The following GTPBP2 variants were observed in gnomAD, a reference collection of about 807,000 sequenced individuals.
GTPBP2 encodes GTP-binding protein 2.
GTPBP2 carries 32 observed loss-of-function variants against 63.0 expected under a neutral mutation model. The observed-to-expected ratio is 0.51, with a 90% confidence interval of 0.38 to 0.68. The LOEUF is 0.68. Among genes scored for constraint, GTPBP2 ranks in the 30% least tolerant of loss-of-function variants. The probability of loss-of-function intolerance (pLI) is 0.00; values close to 1 mark genes in which losing one functional copy is unlikely to be tolerated. For synonymous variants in GTPBP2, 310 were observed against 322.6 expected, an observed-to-expected ratio of 0.96 and a Z score of 0.42; for missense variants, 492 against 796.9, an observed-to-expected ratio of 0.62 and a Z score of 4.61.
At position 43,629,079 on chromosome 6, in the gene GTPBP2, C is replaced by G. The variant is rs369516793; in HGVS notation, c.84G>C (p.Arg28Ser). 1.3e-6 allele frequency: 2 copies of G among 1,599,282 alleles called. No homozygotes were observed. The highest frequency in any genetic ancestry group is 1.1e-5 in the South Asian group (1 of 89,360). The change falls in exon 1 of 12, where the codon AGG (arginine) becomes AGC (serine). Residue 28 changes from arginine to serine, a missense_variant. Coordinates refer to ENST00000307126, the MANE Select transcript of GTPBP2 (RefSeq NM_019096.5). The part of the protein sequence containing the change: ...GPAVGGTLKA[R>S]GAGSSSGCGG... Reference sequence around the variant, plus strand: ...CGCAGCCGCTGCTGCTGCCGGCCCCCCTAGCCTTGAGGGTTCCGCCCACGG... The same window carrying G: ...CGCAGCCGCTGCTGCTGCCGGCCCCGCTAGCCTTGAGGGTTCCGCCCACGG...
At chr6:43,629,725 C>A, upstream of GTPBP2, 1 of 1,551,302 alleles carries the variant, frequency 6.4e-7, no homozygotes, top group Non-Finnish European at 8.7e-7. Flanking sequence ...CTGCTGGCTC[C>A]GCCTCTGCCT....
At chr6:43,629,689 G>C, upstream of GTPBP2, 1 of 1,536,020 alleles carries the variant, frequency 6.5e-7, no homozygotes, top group South Asian at 1.2e-5. Context: ...GAGAGCTGCA[G>C]AACTGAGGCT....
At chr6:43,621,883 C>T (rs753482760) in intron 11 of GTPBP2, 93 bp from the exon 12 acceptor site, 19 of 1,603,092 alleles carry the variant, frequency 1.2e-5, no homozygotes, top group African/African-American at 5.4e-5. Flanking sequence ...CCTATCAGGC[C>T]GCTACCCACC....
In GTPBP2 at chr6:43,621,636, G is replaced by A; in HGVS notation, c.1787C>T (p.Ala596Val). The change falls in exon 12 of 12, where the codon GCC becomes GTC. Residue 596 changes from alanine (A) to valine (V), a missense_variant. Around this residue, in one of 2 missense-constraint regions of GTPBP2, gnomAD observed 400 missense variants for 710.8 expected, o/e 0.56. Coordinates refer to ENST00000307126, the MANE Select transcript of GTPBP2 (RefSeq NM_019096.5). ...GGTTCAGAAGCCCATGTTGGCCTGGGCTTCTCCTGCTGTAATGGCTTGTAC... is the reference window on the plus strand; with the variant it reads ...GGTTCAGAAGCCCATGTTGGCCTGGACTTCTCCTGCTGTAATGGCTTGTAC... ...TDVQAITAGE[A>V]QANMGF The A allele has an allele frequency of 6.2e-7, 1 of 1,614,210 alleles. No homozygotes were observed. The highest frequency in any genetic ancestry group is 1.3e-5 in the African/African-American group (1 of 75,074).
chr6:43,629,851 C>G (rs1242722452), upstream of GTPBP2: 1 of 1,470,208 alleles, frequency 6.8e-7, no homozygotes, highest in African/African-American at 1.4e-5. Context: ...ATTATGCTAC[C>G]TTTACATAGT....
rs538678246 is a variant in GTPBP2 at position 43,624,841 on chromosome 6, G to C, written c.880+47C>G. ...CCAAGATTTGAGGCCCAGGGTAGGA[G>C]AGTCAGCACCCCCCTTCAGCCCTGT... On this transcript the variant is annotated intron_variant, in intron 6 of 11. Coordinates refer to ENST00000307126, the MANE Select transcript of GTPBP2 (RefSeq NM_019096.5). The surrounding 1 kb of genome is among the most constrained non-coding windows in gnomAD (Gnocchi z 5.1). 1 of 1,599,800 alleles carries C rather than the reference G, an allele frequency of 6.3e-7. No individual in the cohort carries two copies. Among genetic ancestry groups the C allele is most frequent in the Non-Finnish European group, 8.6e-7 (1 of 1,167,684 alleles).
At position 43,626,492 on chromosome 6, in the gene GTPBP2, G is replaced by C. The variant is rs1344470695; in HGVS notation, c.214-82C>G. On this transcript the variant is annotated intron_variant, in intron 2 of 11. Coordinates refer to ENST00000307126, the MANE Select transcript of GTPBP2 (RefSeq NM_019096.5). The surrounding 1 kb of genome is among the most constrained non-coding windows in gnomAD (Gnocchi z 4.0). ...ATGGTCCCCACCTGTTCTGCTGCAA[G>C]GACCAGGACTTTCTCTTTCCACTTA... The C allele has an allele frequency of 9.1e-7, 1 of 1,100,426 alleles. No individual in the cohort carries two copies. The highest frequency in any genetic ancestry group is 1.5e-5 in the African/African-American group (1 of 64,586). The allele number at this position is 1,100,426 out of a possible 1,614,324, so 68.2% of individuals were successfully genotyped here. A position where few individuals can be genotyped will look rare whatever the true frequency, so the allele number is the denominator to read the frequency against.
Position 43,622,969 on chromosome 6 carries a change from G to A in GTPBP2, c.1296-165C>T. On this transcript the variant is annotated intron_variant, in intron 9 of 11. Coordinates refer to ENST00000307126, the MANE Select transcript of GTPBP2 (RefSeq NM_019096.5). This position sits in a 1 kb window ranked among gnomAD's most constrained non-coding sequence, Gnocchi z 5.4. ...TAACAGGGCTCACTGCCAGAGTTCAGAATCAGAAGACTAATTTCATAAAAG... is the reference window on the plus strand; with the variant it reads ...TAACAGGGCTCACTGCCAGAGTTCAAAATCAGAAGACTAATTTCATAAAAG... 1 of 587,992 alleles carries A rather than the reference G, an allele frequency of 1.7e-6. No individual in the cohort carries two copies. The highest frequency in any genetic ancestry group is 3.0e-6 in the Non-Finnish European group (1 of 332,236). The allele number at this position is 587,992 out of a possible 1,614,324, so 36.4% of individuals were successfully genotyped here. A position where few individuals can be genotyped will look rare whatever the true frequency, so the allele number is the denominator to read the frequency against.
At chr6:43,629,970 C>T (rs1267734833), upstream of GTPBP2, among the ~76,000 whole-genome samples, 1 of 152,250 alleles carries the variant, frequency 6.6e-6, no homozygotes, top group Non-Finnish European at 1.5e-5. Flanking sequence ...AGCTTCCTCC[C>T]CGAAGGCTGC....
At chr6:43,627,154 G>T in intron 1 of GTPBP2, 1 of 624,760 alleles carries the variant, frequency 1.6e-6, no homozygotes, top group Non-Finnish European at 2.4e-6. Flanking sequence ...GGCCTATAAG[G>T]ACACAAGGAG....
chr6:43,622,031 G>A lies in GTPBP2; in HGVS notation c.1604C>T (p.Thr535Met), dbSNP rs1209116080. The stretch of plus-strand genomic sequence containing the variant: ...GGCATGGATCTTTTCCACCACTGCC[G>A]TCTGACGTACGTTGCCCACGTGTAC... ...VTVHVGNVRQ[T>M]AVVEKIHAKD... Residue 535 changes from threonine (T) to methionine (M), a missense_variant, in exon 11 of 12, where the codon ACG (threonine) becomes ATG (methionine). Physicochemically the swap from Thr to Met is moderately conservative, Grantham distance 81 (BLOSUM62 -1). Coordinates refer to ENST00000307126, the MANE Select transcript of GTPBP2 (RefSeq NM_019096.5). This position sits in a 1 kb window ranked among gnomAD's most constrained non-coding sequence, Gnocchi z 5.4. 4.3e-6 allele frequency: 7 copies of A among 1,614,178 alleles called. No homozygotes were observed. The highest frequency in any genetic ancestry group is 1.1e-5 in the South Asian group (1 of 91,092).
intron 1 of GTPBP2, chr6:43,628,594 G>A: frequency 1.0e-6 from 1 of 970,880 alleles, no homozygotes; most frequent in Non-Finnish European, 1.2e-6. Flanking sequence ...TTCTCCCTGT[G>A]GAACAAGTTT....
chr6:43,622,243 C>T lies in GTPBP2; in HGVS notation c.1468-76G>A. On this transcript the variant is annotated intron_variant, in intron 10 of 11. Transcript: ENST00000307126. This position sits in a 1 kb window ranked among gnomAD's most constrained non-coding sequence, Gnocchi z 5.4. ...TCTCCCTCCCCAGCCACCCCACACC[C>T]TTTATAGCTCCTGAATTTCCTCTTC... 4.1e-6 allele frequency: 5 copies of T among 1,228,852 alleles called. No homozygotes were observed. The highest frequency in any genetic ancestry group is 2.0e-4 in the Middle Eastern group (1 of 4,912). The allele number at this position is 1,228,852 out of a possible 1,614,324, so 76.1% of individuals were successfully genotyped here. A position where few individuals can be genotyped will look rare whatever the true frequency, so the allele number is the denominator to read the frequency against.
rs1769315475 is a variant in GTPBP2, at chr6:43,626,109, A to T, written c.398+117T>A. 2.0e-6 allele frequency: 2 copies of T among 985,972 alleles called. No homozygotes were observed. Among genetic ancestry groups the T allele is most frequent in the African/African-American group, 3.2e-5 (2 of 62,274 alleles). The allele number at this position is 985,972 out of a possible 1,614,324, so 61.1% of individuals were successfully genotyped here. Reference sequence around the variant, plus strand: ...CCAAAACACTAACCCTCCCCACTTCAGCCCTTTGTCAAGAGAAGGAAAGTC... The same window carrying T: ...CCAAAACACTAACCCTCCCCACTTCTGCCCTTTGTCAAGAGAAGGAAAGTC... On this transcript the variant is annotated intron_variant, in intron 3 of 11. Transcript: ENST00000307126. This position sits in a 1 kb window ranked among gnomAD's most constrained non-coding sequence, Gnocchi z 4.0.
At position 43,621,192 on chromosome 6, in the gene GTPBP2, T is replaced by A; in HGVS notation, c.*422A>T. ...GTAGAGATGGGCAACTTACATGGCCTTGAGAAGAGGTATAGAAAAAGGAGT... is the reference window on the plus strand; with the variant it reads ...GTAGAGATGGGCAACTTACATGGCCATGAGAAGAGGTATAGAAAAAGGAGT... On this transcript the variant is annotated 3_prime_UTR_variant, in exon 12 of 12. Coordinates refer to ENST00000307126, the MANE Select transcript of GTPBP2 (RefSeq NM_019096.5). 2.8e-6 allele frequency: 1 copy of A among 353,064 alleles called. No individual in the cohort carries two copies. The highest frequency in any genetic ancestry group is 7.5e-5 in the East Asian group (1 of 13,422). The allele number at this position is 353,064 out of a possible 1,614,324, so 21.9% of individuals were successfully genotyped here. A position where few individuals can be genotyped will look rare whatever the true frequency, so the allele number is the denominator to read the frequency against.
rs1209143707 is a variant in GTPBP2 at position 43,624,718 on chromosome 6, T to C, written c.892A>G (p.Arg298Gly). ...SANTGIAGTT[R>G]EHLGLALALK... Reference sequence around the variant, plus strand: ...GCCAGGGCCAGCCCCAGATGTTCCCTTGTGGTGCCAGCTGCCTCATAAGGA... The same window carrying C: ...GCCAGGGCCAGCCCCAGATGTTCCCCTGTGGTGCCAGCTGCCTCATAAGGA... Residue 298 changes from arginine (R) to glycine (G), a missense_variant, in exon 7 of 12, where the codon AGG becomes GGG. By Grantham distance (125) the Arg-to-Gly change is moderately radical. Around this residue, in one of 2 missense-constraint regions of GTPBP2, gnomAD observed 400 missense variants for 710.8 expected, o/e 0.56. Transcript: ENST00000307126. This position sits in a 1 kb window ranked among gnomAD's most constrained non-coding sequence, Gnocchi z 5.1. The C allele has an allele frequency of 6.2e-7, 1 of 1,613,692 alleles. No homozygotes were observed. Among genetic ancestry groups the C allele is most frequent in the Middle Eastern group, 1.7e-4 (1 of 5,828 alleles).
At position 43,624,226 on chromosome 6, in the gene GTPBP2, C is replaced by T. The variant is rs553381606; in HGVS notation, c.1101-158G>A. 2.0e-5 allele frequency among the ~76,000 whole-genome samples: 3 copies of T among 151,970 alleles called. No individual in the cohort carries two copies. The highest frequency in any genetic ancestry group is 6.5e-5 in the Admixed American group (1 of 15,280). The stretch of plus-strand genomic sequence containing the variant: ...ACTCTGGGCCTTCTTGTGAGCCAGT[C>T]GAGCAATGTCACACAAAAAGCCCAT... On this transcript the variant is annotated intron_variant, in intron 7 of 11. Transcript: ENST00000307126. The surrounding 1 kb of genome is among the most constrained non-coding windows in gnomAD (Gnocchi z 5.1).
rs1317486226 is a variant in GTPBP2 at position 43,620,913 on chromosome 6, T to C, written c.*701A>G. ...CCTTTGGTATATGCCAAGCCTTTGC[T>C]TGGTAGCCCCACGCCTGGGCCAGCA... On this transcript the variant is annotated 3_prime_UTR_variant, in exon 12 of 12. Coordinates refer to ENST00000307126, the MANE Select transcript of GTPBP2 (RefSeq NM_019096.5). 6.3e-6 allele frequency: 1 copy of C among 159,870 alleles called. No homozygotes were observed. The highest frequency in any genetic ancestry group is 1.4e-5 in the Non-Finnish European group (1 of 71,980). The allele number at this position is 159,870 out of a possible 1,614,324, so 9.9% of individuals were successfully genotyped here.
rs1769342168 is a variant in GTPBP2 at position 43,626,380 on chromosome 6, A to G, written c.244T>C (p.Phe82Leu). 1.9e-6 allele frequency: 3 copies of G among 1,614,210 alleles called. No individual in the cohort carries two copies. Among genetic ancestry groups the G allele is most frequent in the Non-Finnish European group, 2.5e-6 (3 of 1,180,036 alleles). The change falls in exon 3 of 12, where the codon TTT becomes CTT. Residue 82 changes from phenylalanine (F) to leucine (L), a missense_variant. Coordinates refer to ENST00000307126, the MANE Select transcript of GTPBP2 (RefSeq NM_019096.5). The surrounding 1 kb of genome is among the most constrained non-coding windows in gnomAD (Gnocchi z 4.0). Reference sequence around the variant, plus strand: ...TTCATTTGTGTCACCAGGTGCTCAAAGCGGTACTGGGATGGATTCACCAGC... The same window carrying G: ...TTCATTTGTGTCACCAGGTGCTCAAGGCGGTACTGGGATGGATTCACCAGC... ...LKLVNPSQYR[F>L]EHLVTQMKWR...
Sources: gnomAD v4.1 joint callset for allele counts (sites outside exome capture counted in the v4.1 genomes callset) on GRCh38, gnomAD v4.1.1 for gene constraint, gnomAD v4.1.1 regional missense constraint, Gnocchi (gnomAD v3.1) non-coding constraint, MANE v1.5 for transcripts, NCBI Gene and HGNC (gene_info 2026-07-23, HGNC 2026-07-21) for gene names.